The following CYB5R4 variants were observed in gnomAD, a reference collection of about 807,000 sequenced individuals.
CYB5R4 encodes the protein cytochrome b5 reductase 4.
A neutral mutation model predicts 70.2 loss-of-function variants in CYB5R4; 55 were observed. The ratio of observed to expected loss-of-function variants is 0.78; its 90% CI spans 0.63 to 0.98. The LOEUF (loss-of-function observed/expected upper bound fraction) is 0.98. Ranked by LOEUF, CYB5R4 falls within the 50% of genes least tolerant of loss-of-function variation. The pLI, the probability that CYB5R4 is intolerant of heterozygous loss-of-function variation, is 0.00. For missense variants in CYB5R4, 562 were observed against 612.6 expected (o/e 0.92, Z 0.87); for synonymous variants, 197 against 199.5 (o/e 0.99, Z 0.11).
intron 14 of CYB5R4, among the ~76,000 whole-genome samples, chr6:83,951,517 G>A (rs1391664046): frequency 2.6e-5 from 4 of 152,098 alleles, no homozygotes; most frequent in Non-Finnish European, 5.9e-5. Flanking sequence ...TCCCACTTAT[G>A]AGTGAGAACA....
chr6:83,868,763 G>C (rs2099457124), intron 2 of CYB5R4, among the ~76,000 whole-genome samples: 2 of 152,180 alleles, frequency 1.3e-5, no homozygotes, highest in African/African-American at 4.8e-5. Flanking sequence ...GAGTTCTTCT[G>C]TCAAGCCTAG....
chr6:83,900,602 A>G (rs1234384570), intron 3 of CYB5R4, among the ~76,000 whole-genome samples: 1 of 152,186 alleles, frequency 6.6e-6, no homozygotes, highest in Non-Finnish European at 1.5e-5. Flanking sequence ...GTGGGAGTCT[A>G]AGTCTCTTTC....
Position 83,924,516 on chromosome 6 carries a change from A to T in CYB5R4, c.738A>T (p.Lys246Asn). The T allele has an allele frequency of 6.2e-7, 1 of 1,613,834 alleles. No individual in the cohort carries two copies. Among genetic ancestry groups the T allele is most frequent in the Non-Finnish European group, 8.5e-7 (1 of 1,179,818 alleles). ...GAAAAATAGAGATTGTTCTACAAAAAAAAGAGAATACTTCTTGGGACTTTC... is the reference window on the plus strand; with the variant it reads ...GAAAAATAGAGATTGTTCTACAAAATAAAGAGAATACTTCTTGGGACTTTC... The part of the protein sequence containing the change: ...SVGKIEIVLQ[K>N]KENTSWDFLG... The change falls in exon 10 of 16, where the codon AAA becomes AAT. Residue 246 changes from lysine (K) to asparagine (N), a missense_variant. By Grantham distance (94) the Lys-to-Asn change is moderately conservative. Transcript: ENST00000369681.
At chr6:83,880,402 A>G (rs562999603) in intron 2 of CYB5R4, among the ~76,000 whole-genome samples, 1 of 147,876 alleles carries the variant, frequency 6.8e-6, no homozygotes, top group Non-Finnish European at 1.5e-5. Flanking sequence ...AAGTGCTGCT[A>G]ACTGTCACTG....
intron 2 of CYB5R4, among the ~76,000 whole-genome samples, chr6:83,868,629 A>T (rs1222953026): frequency 1.3e-5 from 2 of 152,190 alleles, no homozygotes; most frequent in African/African-American, 4.8e-5. Context: ...TTTTTTAAAA[A>T]ACTTGAATTT....
chr6:83,952,078 T>TA (rs2099471622), intron 14 of CYB5R4, among the ~76,000 whole-genome samples: 1 of 152,134 alleles, frequency 6.6e-6, no homozygotes, highest in Non-Finnish European at 1.5e-5. Context: ...TCATTATTTT[T>TA]ACACTAGAGT....
chr6:83,901,331 C>T (rs2099462912), intron 3 of CYB5R4, among the ~76,000 whole-genome samples: 1 of 151,946 alleles, frequency 6.6e-6, no homozygotes, highest in African/African-American at 2.4e-5. Context: ...GCCGAGAGAT[C>T]AGCTGTCTGA....
At chr6:83,873,480 ATC>A (rs1451904635) in intron 2 of CYB5R4, among the ~76,000 whole-genome samples, 3 of 152,028 alleles carry the variant, frequency 2.0e-5, no homozygotes, top group Non-Finnish European at 4.4e-5. Context: ...ACCTCAAGTG[ATC>A]CACCTGCCTC....
intron 2 of CYB5R4, among the ~76,000 whole-genome samples, chr6:83,864,819 T>C (rs1202634666): frequency 2.0e-5 from 3 of 152,212 alleles, no homozygotes; most frequent in African/African-American, 7.2e-5. Context: ...TTACTTGATT[T>C]TGTTTAGCTC....
chr6:83,961,122 T>A lies in CYB5R4; in HGVS notation c.*1244T>A, dbSNP rs1404861217. 1 of 152,144 alleles carries A rather than the reference T, an allele frequency of 6.6e-6. No homozygotes were observed. Among genetic ancestry groups the A allele is most frequent in the Non-Finnish European group, 1.5e-5 (1 of 68,022 alleles). 9.4% of individuals were successfully genotyped at this position (152,144 alleles called of 1,614,324 possible). The stretch of plus-strand genomic sequence containing the variant: ...AACACAATATTAATATTCCCCAAAT[T>A]ACAGACGCCCAGCTTGTGAAGCTTC... On this transcript the variant is annotated 3_prime_UTR_variant, in exon 16 of 16. Transcript: ENST00000369681.
intron 5 of CYB5R4, among the ~76,000 whole-genome samples, chr6:83,915,668 T>A (rs990816587): frequency 2.0e-5 from 3 of 152,232 alleles, no homozygotes; most frequent in African/African-American, 7.2e-5. Flanking sequence ...AGTGATTTGG[T>A]TAGCACTGTT....
At chr6:83,932,245 A>C (rs746578058) in intron 10 of CYB5R4, among the ~76,000 whole-genome samples, 1 of 152,202 alleles carries the variant, frequency 6.6e-6, no homozygotes, top group African/African-American at 2.4e-5. Context: ...TCAGGCTTCT[A>C]TGGGTAGAAC....
chr6:83,964,223 G>A lies in CYB5R4; in HGVS notation c.*4345G>A, dbSNP rs2099473741. 1 of 153,694 alleles carries A rather than the reference G, an allele frequency of 6.5e-6. No homozygotes were observed. Among genetic ancestry groups the A allele is most frequent in the South Asian group, 2.0e-4 (1 of 4,940 alleles). The allele number at this position is 153,694 out of a possible 1,614,324, so 9.5% of individuals were successfully genotyped here. On this transcript the variant is annotated 3_prime_UTR_variant, in exon 16 of 16. Transcript: ENST00000369681. ...AGGCAGAGATTGGAACAGTTTGGAGGGCTCAGAAGAAGACAGGAAAATGGG... is the reference window on the plus strand; with the variant it reads ...AGGCAGAGATTGGAACAGTTTGGAGAGCTCAGAAGAAGACAGGAAAATGGG...
At chr6:83,865,294 C>T (rs2099456560) in intron 2 of CYB5R4, among the ~76,000 whole-genome samples, 1 of 152,080 alleles carries the variant, frequency 6.6e-6, no homozygotes, top group South Asian at 2.1e-4. Context: ...ATATCAACAC[C>T]AATAAATGCT....
At chr6:83,865,329 A>G (rs1205235449) in intron 2 of CYB5R4, among the ~76,000 whole-genome samples, 3 of 152,202 alleles carry the variant, frequency 2.0e-5, no homozygotes, top group Non-Finnish European at 4.4e-5. Context: ...TGGATGCCGT[A>G]ACAAAGGACC....
At position 83,967,021 on chromosome 6, in the gene CYB5R4, T is replaced by G. The variant is rs953704011; in HGVS notation, c.*7143T>G. 7 of 152,182 alleles carry G rather than the reference T, an allele frequency of 4.6e-5. No individual in the cohort carries two copies. The highest frequency in any genetic ancestry group is 3.2e-3 in the Middle Eastern group (1 of 316). 9.4% of individuals were successfully genotyped at this position (152,182 alleles called of 1,614,324 possible). A position where few individuals can be genotyped will look rare whatever the true frequency, so the allele number is the denominator to read the frequency against. ...AAAGAAAATTAGATCATCACCAGAC[T>G]TTTCAACAGCATTGCCTTATGCTTT... On this transcript the variant is annotated 3_prime_UTR_variant, in exon 16 of 16. Coordinates refer to ENST00000369681, the MANE Select transcript of CYB5R4 (RefSeq NM_016230.4).
Position 83,893,387 on chromosome 6 carries a change from G to C in CYB5R4, c.230-135G>C, listed in dbSNP as rs973936676. On this transcript the variant is annotated intron_variant, in intron 2 of 15. Coordinates refer to ENST00000369681, the MANE Select transcript of CYB5R4 (RefSeq NM_016230.4). ...TGAAATCTCAGATCCTTTACAGTTA[G>C]TTCTTGATACTTTGAAATAACAGTG... 17 of 596,738 alleles carry C rather than the reference G, an allele frequency of 2.8e-5. No homozygotes were observed. In the Admixed American group the frequency reaches 4.2e-4, roughly 15 times the overall value. 37.0% of individuals were successfully genotyped at this position (596,738 alleles called of 1,614,324 possible). A position where few individuals can be genotyped will look rare whatever the true frequency, so the allele number is the denominator to read the frequency against.
chr6:83,946,278 T>C (rs1412920007), intron 14 of CYB5R4, among the ~76,000 whole-genome samples: 1 of 152,148 alleles, frequency 6.6e-6, no homozygotes, highest in African/African-American at 2.4e-5. Flanking sequence ...CATACACAAA[T>C]CAATAAACGT....
intron 1 of CYB5R4, among the ~76,000 whole-genome samples, chr6:83,860,419 T>C (rs1163639459): frequency 1.3e-5 from 2 of 152,156 alleles, no homozygotes; most frequent in Non-Finnish European, 2.9e-5. Flanking sequence ...TGTTTTGTCA[T>C]TGCCTTTTCT....
Sources: allele counts gnomAD v4.1 joint callset (sites outside exome capture counted in the v4.1 genomes callset), GRCh38; gene constraint gnomAD v4.1.1; transcripts MANE v1.5; gene names NCBI Gene and HGNC (gene_info 2026-07-23, HGNC 2026-07-21).